The following COL14A1 variants were observed in gnomAD, a reference collection of about 807,000 sequenced individuals.
The protein encoded by COL14A1 is collagen type XIV alpha 1 chain, also known as collagen alpha-1(XIV) chain.
Under a neutral mutation model 230.3 loss-of-function variants are expected in COL14A1, and 136 were observed. That is an observed-to-expected ratio of 0.59 (90% CI 0.51 to 0.68). The LOEUF is 0.68. COL14A1 is among the 30% of genes least tolerant of loss of function. The probability of loss-of-function intolerance (pLI) is 0.00; values close to 1 mark genes in which losing one functional copy is unlikely to be tolerated. For synonymous variants in COL14A1, 792 were observed against 784.1 expected, an observed-to-expected ratio of 1.01 and a Z score of -0.17; for missense variants, 1,976 against 2,215.8, an observed-to-expected ratio of 0.89 and a Z score of 2.17.
intron 14 of COL14A1, among the ~76,000 whole-genome samples, chr8:120,221,715 G>C (rs902323851): frequency 6.6e-6 from 1 of 152,082 alleles, no homozygotes; most frequent in African/African-American, 2.4e-5. Flanking sequence ...TAGAAACAAG[G>C]TCAAGGCCTA....
chr8:120,161,670 A>T (rs1460868108), intron 3 of COL14A1, among the ~76,000 whole-genome samples: 3 of 148,624 alleles, frequency 2.0e-5, no homozygotes, highest in Non-Finnish European at 4.5e-5. Flanking sequence ...TCCCCTTCAC[A>T]TTTTTTTTTT....
At chr8:120,221,575 C>A (rs1412085047) in intron 14 of COL14A1, among the ~76,000 whole-genome samples, 1 of 151,852 alleles carries the variant, frequency 6.6e-6, no homozygotes, top group Non-Finnish European at 1.5e-5. Context: ...CACACACACA[C>A]ACACACACGT....
In COL14A1 at chr8:120,254,414, A is replaced by T. The variant is rs978017448; in HGVS notation, c.2753-826A>T. Among the ~76,000 whole-genome samples, 4 of 152,130 alleles carry T rather than the reference A, an allele frequency of 2.6e-5. No homozygotes were observed. The East Asian group carries it at 5.8e-4, about 22-fold the overall frequency. ...TTTAAATTTTCAAAAGTGTTTATTC[A>T]ATCGTGTTTTGAAGACCAGTCCTTG... On this transcript the variant is annotated intron_variant, in intron 22 of 47. Transcript: ENST00000297848.
Position 120,270,001 on chromosome 8 carries a change from T to C in COL14A1, c.3074-34T>C, listed in dbSNP as rs780682974. 3.7e-6 allele frequency: 6 copies of C among 1,608,876 alleles called. No homozygotes were observed. In the South Asian group the frequency reaches 6.6e-5, roughly 18 times the overall value. On this transcript the variant is annotated intron_variant, in intron 25 of 47. Transcript: ENST00000297848. ...TTTAATAACTACTAACTTTTCCCCT[T>C]ATCTCTGACTCAAAATTCATTGTTG...
At chr8:120,204,598 G>A (rs189708617) in intron 9 of COL14A1, among the ~76,000 whole-genome samples, 53 of 152,332 alleles carry the variant, frequency 3.5e-4, no homozygotes, top group Admixed American at 3.3e-3. Context: ...GTTGCTTTCA[G>A]CCTTTGGCTA....
intron 45 of COL14A1, among the ~76,000 whole-genome samples, chr8:120,355,456 A>G (rs1322956905): frequency 6.7e-6 from 1 of 148,522 alleles, no homozygotes; most frequent in African/African-American, 2.5e-5. Flanking sequence ...CCCAGACTGG[A>G]TTGCAGTGGT....
chr8:120,228,717 T>C lies in COL14A1; in HGVS notation c.2145T>C (p.Ser715=). The C allele has an allele frequency of 6.2e-7, 1 of 1,613,116 alleles. No individual in the cohort carries two copies. Among genetic ancestry groups the C allele is most frequent in the East Asian group, 2.2e-5 (1 of 44,850 alleles). Residue 715 remains serine (S), a synonymous_variant, in exon 18 of 48, where the codon AGT becomes AGC. Coordinates refer to ENST00000297848, the MANE Select transcript of COL14A1 (RefSeq NM_021110.4). Reference sequence around the variant, plus strand: ...GTAATATATTGCTTTTAGTTGACAGTTTTTGGACAGAACCAGCTACAACCA... The same window carrying C: ...GTAATATATTGCTTTTAGTTGACAGCTTTTGGACAGAACCAGCTACAACCA... ...VVTAVGTTLD[S]FWTEPATTIV... is the part of the protein sequence containing the mutation.
Position 120,371,491 on chromosome 8 carries a change from C to T in COL14A1, c.*260C>T, listed in dbSNP as rs1383451186. Reference sequence around the variant, plus strand: ...TGGCATGTCAGATAATTTGTTTTTCCAGAGAAGAGAGCTCAAAGAGGAATT... The same window carrying T: ...TGGCATGTCAGATAATTTGTTTTTCTAGAGAAGAGAGCTCAAAGAGGAATT... On this transcript the variant is annotated 3_prime_UTR_variant, in exon 48 of 48. Transcript: ENST00000297848. 2.5e-6 allele frequency: 1 copy of T among 395,834 alleles called. No individual in the cohort carries two copies. Among genetic ancestry groups the T allele is most frequent in the East Asian group, 3.6e-5 (1 of 27,890 alleles). 24.5% of individuals were successfully genotyped at this position (395,834 alleles called of 1,614,324 possible). A position where few individuals can be genotyped will look rare whatever the true frequency, so the allele number is the denominator to read the frequency against.
At chr8:120,361,142 G>C (rs1197007664) in intron 45 of COL14A1, among the ~76,000 whole-genome samples, 2 of 151,740 alleles carry the variant, frequency 1.3e-5, no homozygotes, top group East Asian at 3.9e-4. Context: ...TTACATCTTT[G>C]CTTGGTTTCT....
intron 8 of COL14A1, among the ~76,000 whole-genome samples, chr8:120,200,342 C>A (rs1198847733): frequency 1.3e-5 from 2 of 151,808 alleles, no homozygotes; most frequent in African/African-American, 4.8e-5. Flanking sequence ...TATTTGTGAT[C>A]AATCTTTAGT....
At chr8:120,320,428 A>G (rs1586860694) in intron 40 of COL14A1, among the ~76,000 whole-genome samples, 1 of 152,294 alleles carries the variant, frequency 6.6e-6, no homozygotes, top group South Asian at 2.1e-4. Context: ...CACCAGAAGC[A>G]TGCTTCTAGA....
chr8:120,335,150 C>T (rs976656700), intron 42 of COL14A1, among the ~76,000 whole-genome samples: 7 of 152,084 alleles, frequency 4.6e-5, no homozygotes, highest in Admixed American at 3.3e-4. Flanking sequence ...TGACATGGGG[C>T]GTGGAGAGCT....
At chr8:120,334,806 AGTG>A (rs1821996030) in intron 42 of COL14A1, among the ~76,000 whole-genome samples, 1 of 152,218 alleles carries the variant, frequency 6.6e-6, no homozygotes, top group East Asian at 1.9e-4. Flanking sequence ...TGGTCAAAGA[AGTG>A]GCCCTGACAT....
chr8:120,336,940 G>A (rs748017242), intron 42 of COL14A1, among the ~76,000 whole-genome samples: 3 of 152,038 alleles, frequency 2.0e-5, no homozygotes, highest in Non-Finnish European at 2.9e-5. Context: ...CTGTCCCTTC[G>A]CAGGCTGTTA....
chr8:120,335,241 C>G (rs1822014282), intron 42 of COL14A1, among the ~76,000 whole-genome samples: 1 of 152,104 alleles, frequency 6.6e-6, no homozygotes, highest in African/African-American at 2.4e-5. Context: ...GGATTAGACT[C>G]TAAATATAGT....
intron 34 of COL14A1, 145 bp downstream of exon 34, chr8:120,289,911 G>A (rs1361441704): frequency 2.5e-6 from 2 of 796,108 alleles, no homozygotes; most frequent in East Asian, 5.4e-5. Flanking sequence ...TGGATGGATG[G>A]ATAGATGGAT....
Position 120,283,618 on chromosome 8 carries a change from T to G in COL14A1, c.3825-18T>G. On this transcript the variant is annotated intron_variant, in intron 31 of 47. Coordinates refer to ENST00000297848, the MANE Select transcript of COL14A1 (RefSeq NM_021110.4). The stretch of plus-strand genomic sequence containing the variant: ...TGAGGAAGGATACAATGAAACATGG[T>G]TTTCTTTCTATGTTCAGGTACTTGC... 1 of 1,578,520 alleles carries G rather than the reference T, an allele frequency of 6.3e-7. No homozygotes were observed. Among genetic ancestry groups the G allele is most frequent in the Non-Finnish European group, 8.6e-7 (1 of 1,168,360 alleles).
chr8:120,171,168 C>A (rs1816082095), intron 5 of COL14A1, among the ~76,000 whole-genome samples: 1 of 152,098 alleles, frequency 6.6e-6, no homozygotes, highest in Non-Finnish European at 1.5e-5. Flanking sequence ...TAATCAATAT[C>A]TTTACTATTT....
In COL14A1 at chr8:120,195,493, G is replaced by T. The variant is rs553690817; in HGVS notation, c.437-1298G>T. On this transcript the variant is annotated intron_variant, in intron 5 of 47. Transcript: ENST00000297848. The stretch of plus-strand genomic sequence containing the variant: ...CAGAGTTCGAAGCAATGTTGCGATC[G>T]GTACTAAAAGTATTGGTCTGTTCTC... 3.3e-5 allele frequency among the ~76,000 whole-genome samples: 5 copies of T among 152,160 alleles called. No homozygotes were observed. The South Asian group carries it at 1.0e-3, about 32-fold the overall frequency.
Sources: gnomAD v4.1 joint callset for allele counts (sites outside exome capture counted in the v4.1 genomes callset) on GRCh38, gnomAD v4.1.1 for gene constraint, MANE v1.5 for transcripts, NCBI Gene and HGNC (gene_info 2026-07-23, HGNC 2026-07-21) for gene names.